CPLANE1: variants seen among roughly 807,000 people sequenced by gnomAD.
CPLANE1 encodes ciliogenesis and planar polarity effector complex subunit 1.
A neutral mutation model predicts 362.5 loss-of-function variants in CPLANE1; 263 were observed. The observed-to-expected ratio is 0.73, with a 90% CI of 0.66 to 0.80. The LOEUF is 0.80. Ranked by LOEUF, CPLANE1 falls within the 30% of genes least tolerant of loss-of-function variation. CPLANE1 has a pLI of 0.00. For missense variants in CPLANE1, 3,461 were observed against 3,793.4 expected (o/e 0.91, Z 2.30); for synonymous variants, 1,212 against 1,302.6 (o/e 0.93, Z 1.50).
Position 37,239,669 on chromosome 5 carries a change from C to T in CPLANE1, c.834+44G>A, listed in dbSNP as rs1015576615. 6 of 1,213,212 alleles carry T rather than the reference C, an allele frequency of 4.9e-6. No individual in the cohort carries two copies. The African/African-American group carries it at 9.7e-5, about 20-fold the overall frequency. The allele number at this position is 1,213,212 out of a possible 1,614,324, so 75.2% of individuals were successfully genotyped here. On this transcript the variant is annotated intron_variant, in intron 7 of 52. Transcript: ENST00000651892. ...AGAAAAATCTCAAAACTGGAATAAA[C>T]TCCTTCTTTTATAGATTACTTTCTA...
intron 46 of CPLANE1, among the ~76,000 whole-genome samples, chr5:37,131,069 A>G (rs1344133216): frequency 6.6e-6 from 1 of 152,246 alleles, no homozygotes; most frequent in Non-Finnish European, 1.5e-5. Context: ...CGAAGAAGTG[A>G]TGAGTACTTT....
chr5:37,142,403 C>T lies in CPLANE1; in HGVS notation c.8539G>A (p.Glu2847Lys). ...ETSEPEFSITENYSGQKTCVF... is the reference protein window; with the variant it reads ...ETSEPEFSITKNYSGQKTCVF... ...CAGGTTTTCTGACCAGAATAATTTT[C>T]TGTTATTGAAAATTCAGGTTCTGAA... is the stretch of plus-strand genomic sequence containing the variant. Residue 2847 changes from glutamate (E) to lysine (K), a missense_variant, in exon 44 of 53, where the codon GAA becomes AAA. This residue lies in a region of CPLANE1 where 3,380 missense variants were observed against 3,666.1 expected (regional missense o/e 0.92). Transcript: ENST00000651892. 6.2e-7 allele frequency: 1 copy of T among 1,611,282 alleles called. No individual in the cohort carries two copies. Among genetic ancestry groups the T allele is most frequent in the Non-Finnish European group, 8.5e-7 (1 of 1,178,958 alleles).
At chr5:37,194,714 G>A (rs1191232768) in intron 21 of CPLANE1, among the ~76,000 whole-genome samples, 2 of 150,520 alleles carry the variant, frequency 1.3e-5, no homozygotes, top group African/African-American at 2.5e-5. Flanking sequence ...GCTGGAGTGC[G>A]GTGGCTATTC....
rs57781968 is a variant in CPLANE1, at chr5:37,245,297, CTATATATATATATATA to C, written c.337+166_337+181del. 0.052 allele frequency among the ~76,000 whole-genome samples: 3,084 copies of C among 59,672 alleles called. 194 individuals carry two copies. Among genetic ancestry groups the C allele is most frequent in the African/African-American group, 0.12 (2,221 of 18,074 alleles). The allele number at this position is 59,672 out of a possible 152,430, so 39.1% of individuals were successfully genotyped here. A position where few individuals can be genotyped will look rare whatever the true frequency, so the allele number is the denominator to read the frequency against. On this transcript the variant is annotated intron_variant, in intron 4 of 52. Coordinates refer to ENST00000651892, the MANE Select transcript of CPLANE1 (RefSeq NM_001384732.1). Reference sequence around the variant, plus strand: ...GTATCACAGATAAACATAACCAAAACTATATATATATATATATATATATATATATATATATATATAT... The same window carrying C: ...GTATCACAGATAAACATAACCAAAACTATATATATATATATATATATATAT...
chr5:37,230,521 A>G (rs1038235224), intron 9 of CPLANE1, among the ~76,000 whole-genome samples: 1 of 152,146 alleles, frequency 6.6e-6, no homozygotes, highest in Non-Finnish European at 1.5e-5. Flanking sequence ...AGATAAATCC[A>G]TATGTCAAGT....
chr5:37,208,274 C>T (rs955428446), intron 16 of CPLANE1, among the ~76,000 whole-genome samples: 2 of 152,256 alleles, frequency 1.3e-5, no homozygotes, highest in Non-Finnish European at 2.9e-5. Flanking sequence ...CCACACAGAT[C>T]TTTCCGTTTC....
At chr5:37,139,273 G>T in intron 45 of CPLANE1, 67 bp downstream of exon 45, 2 of 1,354,312 alleles carry the variant, frequency 1.5e-6, no homozygotes, top group South Asian at 1.4e-5. Flanking sequence ...ACACACATAT[G>T]AACAAAATTT....
At chr5:37,242,967 G>C in intron 6 of CPLANE1, 46 bp downstream of exon 6, 1 of 1,360,692 alleles carries the variant, frequency 7.3e-7, no homozygotes, top group Non-Finnish European at 1.0e-6. Flanking sequence ...GCCTCCAAAA[G>C]AAAAAAAAAT....
chr5:37,181,475 C>T (rs188255530), intron 26 of CPLANE1, among the ~76,000 whole-genome samples: 1 of 152,186 alleles, frequency 6.6e-6, no homozygotes, highest in Non-Finnish European at 1.5e-5. Context: ...ACTAATATCA[C>T]AGTATCATAT....
intron 22 of CPLANE1, 23 bp from the exon 23 acceptor site, chr5:37,187,595 T>G: frequency 2.5e-6 from 4 of 1,592,206 alleles, no homozygotes; most frequent in Non-Finnish European, 3.4e-6. Context: ...TGAAAAACAT[T>G]CATTTCCTTT....
At chr5:37,232,986 C>A (rs1798091742) in intron 8 of CPLANE1, among the ~76,000 whole-genome samples, 2 of 152,028 alleles carry the variant, frequency 1.3e-5, no homozygotes, top group Non-Finnish European at 1.5e-5. Context: ...GGAAAAGGCT[C>A]CTGAACACAG....
chr5:37,124,868 G>C, intron 47 of CPLANE1: 1 of 1,006,878 alleles, frequency 9.9e-7, no homozygotes, highest in South Asian at 4.4e-5. Flanking sequence ...AGGCATAGAA[G>C]AGTGAGTTTT....
intron 42 of CPLANE1, among the ~76,000 whole-genome samples, chr5:37,153,175 G>A (rs552342192): frequency 6.6e-6 from 1 of 152,194 alleles, no homozygotes; most frequent in African/African-American, 2.4e-5. Context: ...CAGAAGATCA[G>A]CTGAATAGCC....
intron 42 of CPLANE1, among the ~76,000 whole-genome samples, chr5:37,153,366 A>C (rs1774114212): frequency 6.6e-6 from 1 of 152,230 alleles, no homozygotes; most frequent in African/African-American, 2.4e-5. Context: ...AACTCATTTT[A>C]TGATAATAGC....
At chr5:37,232,630 A>T (rs1797963526) in intron 8 of CPLANE1, among the ~76,000 whole-genome samples, 1 of 151,212 alleles carries the variant, frequency 6.6e-6, no homozygotes, top group Admixed American at 6.6e-5. Context: ...TAAGGTCAGG[A>T]GTTCAAGACC....
intron 50 of CPLANE1, among the ~76,000 whole-genome samples, chr5:37,116,713 T>G (rs1437535974): frequency 1.3e-5 from 2 of 150,988 alleles, no homozygotes; most frequent in African/African-American, 2.4e-5. Context: ...CAACATAGAG[T>G]CAAACTCCCA....
At chr5:37,096,089 T>C in the CPLANE1 span, among the ~76,000 whole-genome samples, 1 of 152,158 alleles carries the variant, frequency 6.6e-6, no homozygotes, top group Non-Finnish European at 1.5e-5. Context: ...CTAAAATTCA[T>C]ATGGAACCAA....
At chr5:37,153,045 A>T (rs1774017380) in intron 42 of CPLANE1, among the ~76,000 whole-genome samples, 1 of 152,222 alleles carries the variant, frequency 6.6e-6, no homozygotes, top group Admixed American at 6.5e-5. Flanking sequence ...GATAATTACA[A>T]GTGGGGTTCC....
In CPLANE1 at chr5:37,182,960, CAA is replaced by C; in HGVS notation, c.5219_5220del (p.Phe1740TrpfsTer15). The C allele has an allele frequency of 6.2e-7, 1 of 1,606,024 alleles. No individual in the cohort carries two copies. The highest frequency in any genetic ancestry group is 8.5e-7 in the Non-Finnish European group (1 of 1,176,198). On this transcript the variant is annotated frameshift_variant, in exon 26 of 53. Transcript: ENST00000651892. ...QEDLPLALNTFGSIGRLLEWM... is the reference protein window; with the variant it reads ...QEDLPLALNTXGSIGRLLEWM... Reference sequence around the variant, plus strand: ...CATTCCAGCAGTCTTCCTATACTGCCAAAAGTGTTTAGTGCTAAAGGAAGATC... The same window carrying C: ...CATTCCAGCAGTCTTCCTATACTGCCAAGTGTTTAGTGCTAAAGGAAGATC...
Sources: allele counts gnomAD v4.1 joint callset (sites outside exome capture counted in the v4.1 genomes callset), GRCh38; gene constraint gnomAD v4.1.1; regional missense constraint gnomAD v4.1.1; transcripts MANE v1.5; gene names NCBI Gene and HGNC (gene_info 2026-07-23, HGNC 2026-07-21).